Variants in POLL observed in about 807,000 individuals in gnomAD.
The protein encoded by POLL is DNA polymerase lambda, also known as DNA polymerase beta-2.
A neutral mutation model predicts 58.1 loss-of-function variants in POLL; 44 were observed. The ratio of observed to expected loss-of-function variants is 0.76; its 90% CI spans 0.60 to 0.97. The LOEUF is 0.97. POLL is among the 50% of genes least tolerant of loss of function. The probability of loss-of-function intolerance (pLI) is 0.00; values close to 1 mark genes in which losing one functional copy is unlikely to be tolerated. For synonymous variants in POLL, 290 were observed against 283.2 expected (o/e 1.02, Z -0.24); for missense variants, 632 against 736.8 (o/e 0.86, Z 1.65).
chr10:101,587,447 TGCCTATGGAGG>T (rs778230147), intron 1 of POLL, 41 bp from the exon 2 acceptor site: 1 of 1,573,472 alleles, frequency 6.4e-7, no homozygotes, highest in Non-Finnish European at 8.6e-7. Context: ...CCAACCCCTT[TGCCTATGGAGG>T]TAGGGTCTTT....
Position 101,585,371 on chromosome 10 carries a change from G to A in POLL, c.518C>T (p.Thr173Ile). The A allele has an allele frequency of 6.2e-7, 1 of 1,605,912 alleles. No homozygotes were observed. The highest frequency in any genetic ancestry group is 8.5e-7 in the Non-Finnish European group (1 of 1,176,090). The change falls in exon 4 of 9, where the codon ACC (threonine) becomes ATC (isoleucine). Residue 173 changes from threonine (T) to isoleucine (I), a missense_variant. Thr to Ile is a moderately conservative substitution (Grantham distance 89). Coordinates refer to ENST00000370162, the MANE Select transcript of POLL (RefSeq NM_001174084.2). ...CTTTTGGGGAGGAGACACAGGCCTG[G>A]TGGGAGGAGGAGGAGGAGAAAGGGC... ...QTALSPPPPP[T>I]RPVSPPQKAK...
In POLL at chr10:101,584,927, T is replaced by G; in HGVS notation, c.574-8A>C. 1 of 1,383,086 alleles carries G rather than the reference T, an allele frequency of 7.2e-7. No individual in the cohort carries two copies. Among genetic ancestry groups the G allele is most frequent in the Non-Finnish European group, 9.4e-7 (1 of 1,059,964 alleles). The allele number at this position is 1,383,086 out of a possible 1,614,324, so 85.7% of individuals were successfully genotyped here. A position where few individuals can be genotyped will look rare whatever the true frequency, so the allele number is the denominator to read the frequency against. On this transcript the variant is annotated splice_polypyrimidine_tract_variant and splice_region_variant and intron_variant, in intron 4 of 8. Transcript: ENST00000370162. ...TTCATCATCAGAGATGGGCTTGGGA[T>G]AGAGAAGAAAAGAAAACAATAAATT...
At chr10:101,585,236 T>C in intron 4 of POLL, 80 bp downstream of exon 4, 1 of 1,300,822 alleles carries the variant, frequency 7.7e-7, no homozygotes, top group Non-Finnish European at 1.0e-6. Context: ...TGGGACTTTC[T>C]GAACAGCCAC....
rs2062877955 is a variant in POLL at position 101,579,788 on chromosome 10, C to CT, written c.1392dup (p.Glu465ArgfsTer33). 3 of 1,613,452 alleles carry CT rather than the reference C, an allele frequency of 1.9e-6. No individual in the cohort carries two copies. The African/African-American group carries it at 4.0e-5, about 22-fold the overall frequency. On this transcript the variant is annotated frameshift_variant, in exon 9 of 9. Coordinates refer to ENST00000370162, the MANE Select transcript of POLL (RefSeq NM_001174084.2). LOFTEE classifies it high-confidence loss of function. The surrounding 1 kb of genome is among the most constrained non-coding windows in gnomAD (Gnocchi z 4.4). ...TACTTCTGTTGCTGACCATTCTCCTCTTGGCTCACCAAGTCATCTGTGAGG... is the reference window on the plus strand; with the variant it reads ...TACTTCTGTTGCTGACCATTCTCCTCTTTGGCTCACCAAGTCATCTGTGAGG...
At position 101,580,047 on chromosome 10, in the gene POLL, C is replaced by A; in HGVS notation, c.1363+201G>T. The A allele has an allele frequency of 1.5e-6, 1 of 679,380 alleles. No individual in the cohort carries two copies. The allele number at this position is 679,380 out of a possible 1,614,324, so 42.1% of individuals were successfully genotyped here. The stretch of plus-strand genomic sequence containing the variant: ...TACTTGGCCTGCAGGGTTCACTGAG[C>A]ACCTCCACATAGGTGTGGCGGGGCT... On this transcript the variant is annotated intron_variant, in intron 8 of 8. Transcript: ENST00000370162. This position sits in a 1 kb window ranked among gnomAD's most constrained non-coding sequence, Gnocchi z 4.1.
chr10:101,579,766 T>C lies in POLL; in HGVS notation c.1415A>G (p.Lys472Arg), dbSNP rs1429712164. 6.2e-7 allele frequency: 1 copy of C among 1,613,750 alleles called. No individual in the cohort carries two copies. Among genetic ancestry groups the C allele is most frequent in the Non-Finnish European group, 8.5e-7 (1 of 1,180,014 alleles). Reference sequence around the variant, plus strand: ...TGGGAGCCGGCACACCCCCAAGTACTTCTGTTGCTGACCATTCTCCTCTTG... The same window carrying C: ...TGGGAGCCGGCACACCCCCAAGTACCTCTGTTGCTGACCATTCTCCTCTTG... The part of the protein sequence containing the change: ...VSQEENGQQQ[K>R]YLGVCRLPGP... The change falls in exon 9 of 9, where the codon AAG (lysine) becomes AGG (arginine). Residue 472 changes from lysine (K) to arginine (R), a missense_variant. Lys to Arg is a conservative substitution (Grantham distance 26). Transcript: ENST00000370162. The surrounding 1 kb of genome is among the most constrained non-coding windows in gnomAD (Gnocchi z 4.4).
At position 101,588,203 on chromosome 10, in the gene POLL, C is replaced by G; in HGVS notation, c.-428G>C. On this transcript the variant is annotated 5_prime_UTR_variant, in exon 1 of 9. Coordinates refer to ENST00000370162, the MANE Select transcript of POLL (RefSeq NM_001174084.2). ...GGGGTGGGCAGGAATAGACCACTTA[C>G]CAGCAGAGCCAATGAGAGCGGACGA... 6.5e-7 allele frequency: 1 copy of G among 1,539,968 alleles called. No homozygotes were observed. The highest frequency in any genetic ancestry group is 8.7e-7 in the Non-Finnish European group (1 of 1,144,650).
intron 7 of POLL, chr10:101,581,437 GCAGA>G (rs1471360638): frequency 3.3e-5 from 5 of 152,188 alleles, no homozygotes; most frequent in African/African-American, 9.6e-5. Context: ...CTGGTGATGG[GCAGA>G]CAAAGAGGCC....
intron 6 of POLL, 59 bp downstream of exon 6, chr10:101,583,449 C>A: frequency 6.3e-7 from 1 of 1,576,110 alleles, no homozygotes; most frequent in Non-Finnish European, 8.7e-7. Flanking sequence ...CAGCACACAT[C>A]TGGGGCAGGA....
At chr10:101,584,145 A>G (rs914553709) in intron 5 of POLL, among the ~76,000 whole-genome samples, 3 of 152,118 alleles carry the variant, frequency 2.0e-5, no homozygotes, top group Non-Finnish European at 4.4e-5. Context: ...CAGAGTTCAA[A>G]CCCTGGTCTG....
In POLL at chr10:101,579,748, C is replaced by T. The variant is rs757924434; in HGVS notation, c.1433G>A (p.Arg478Gln). Reference sequence around the variant, plus strand: ...GTGCCGCCGCCCTGGCCCTGGGAGCCGGCACACCCCCAAGTACTTCTGTTG... The same window carrying T: ...GTGCCGCCGCCCTGGCCCTGGGAGCTGGCACACCCCCAAGTACTTCTGTTG... ...GQQQKYLGVC[R>Q]LPGPGRRHRR... The change falls in exon 9 of 9, where the codon CGG (arginine) becomes CAG (glutamine). Residue 478 changes from arginine to glutamine, a missense_variant. Transcript: ENST00000370162. The surrounding 1 kb of genome is among the most constrained non-coding windows in gnomAD (Gnocchi z 4.4). The T allele has an allele frequency of 1.1e-5, 18 of 1,613,732 alleles. No homozygotes were observed. Among genetic ancestry groups the T allele is most frequent in the African/African-American group, 5.3e-5 (4 of 74,920 alleles).
In POLL at chr10:101,583,602, T is replaced by C. The variant is rs1475770048; in HGVS notation, c.971A>G (p.Lys324Arg). 2.5e-6 allele frequency: 4 copies of C among 1,614,154 alleles called. No homozygotes were observed. Among genetic ancestry groups the C allele is most frequent in the Non-Finnish European group, 3.4e-6 (4 of 1,180,040 alleles). Residue 324 changes from lysine (K) to arginine (R), a missense_variant, in exon 6 of 9, where the codon AAG (lysine) becomes AGG (arginine). Physicochemically the swap from Lys to Arg is conservative, Grantham distance 26 (BLOSUM62 2). Coordinates refer to ENST00000370162, the MANE Select transcript of POLL (RefSeq NM_001174084.2). ...CACGCTCTCACTGATATGGTCCAGCTTCCGCAAATGCCCGCTCTCCAGGAT... is the reference window on the plus strand; with the variant it reads ...CACGCTCTCACTGATATGGTCCAGCCTCCGCAAATGCCCGCTCTCCAGGAT... ...IEILESGHLR[K>R]LDHISESVPV... is the part of the protein sequence containing the mutation.
intron 4 of POLL, 89 bp downstream of exon 4, chr10:101,585,226 TG>T: frequency 8.6e-7 from 1 of 1,159,216 alleles, no homozygotes; most frequent in Non-Finnish European, 1.2e-6. Context: ...CTCAGGGGCC[TG>T]GGACTTTCTG....
Position 101,580,313 on chromosome 10 carries a change from G to C in POLL, c.1298C>G (p.Thr433Ser), listed in dbSNP as rs201665669. ...ATCGDVDVLITHPDGRSHRGI... is the reference protein window; with the variant it reads ...ATCGDVDVLISHPDGRSHRGI... The stretch of plus-strand genomic sequence containing the variant: ...CCGGTGGGACCGGCCATCTGGGTGA[G>C]TGATGAGCACGTCGACATCACCACA... Residue 433 changes from threonine to serine, a missense_variant, in exon 8 of 9, where the codon ACT (threonine) becomes AGT (serine). By Grantham distance (58) the Thr-to-Ser change is moderately conservative. Transcript: ENST00000370162. The surrounding 1 kb of genome is among the most constrained non-coding windows in gnomAD (Gnocchi z 4.1). 1 of 1,613,888 alleles carries C rather than the reference G, an allele frequency of 6.2e-7. No individual in the cohort carries two copies. The highest frequency in any genetic ancestry group is 1.1e-5 in the South Asian group (1 of 91,082).
Position 101,583,604 on chromosome 10 carries a change from C to T in POLL, c.969G>A (p.Arg323=), listed in dbSNP as rs1316404392. ...IIEILESGHL[R]KLDHISESVP... is the part of the protein sequence containing the mutation. ...CGCTCTCACTGATATGGTCCAGCTT[C>T]CGCAAATGCCCGCTCTCCAGGATCT... Residue 323 remains arginine (R), a synonymous_variant, in exon 6 of 9, where the codon CGG becomes CGA. Coordinates refer to ENST00000370162, the MANE Select transcript of POLL (RefSeq NM_001174084.2). The T allele has an allele frequency of 6.2e-7, 1 of 1,614,174 alleles. No individual in the cohort carries two copies. The highest frequency in any genetic ancestry group is 1.1e-5 in the South Asian group (1 of 91,078).
rs536672963 is a variant in POLL at position 101,588,219 on chromosome 10, G to A, written c.-444C>T. The A allele has an allele frequency of 1.1e-4, 165 of 1,545,928 alleles. No homozygotes were observed. Among genetic ancestry groups the A allele is most frequent in the South Asian group, 1.6e-4 (13 of 83,526 alleles). On this transcript the variant is annotated 5_prime_UTR_variant, in exon 1 of 9. Transcript: ENST00000370162. ...GACCACTTACCAGCAGAGCCAATGA[G>A]AGCGGACGAAGGGGGGAAGGAGGGC...
At chr10:101,583,963 T>C (rs771919968) in intron 5 of POLL, among the ~76,000 whole-genome samples, 10 of 152,174 alleles carry the variant, frequency 6.6e-5, no homozygotes, top group Non-Finnish European at 1.5e-4. Flanking sequence ...ACCACCATCA[T>C]CATCATTCCA....
intron 1 of POLL, 136 bp from the exon 2 acceptor site, chr10:101,587,542 T>C (rs1318393421): frequency 2.1e-6 from 3 of 1,454,326 alleles, no homozygotes; most frequent in African/African-American, 1.4e-5. Context: ...CAAACCCGGT[T>C]AAACTTCAGT....
rs1456268477 is a variant in POLL, at chr10:101,579,423, T to G, written c.*30A>C. 6 of 1,569,728 alleles carry G rather than the reference T, an allele frequency of 3.8e-6. No homozygotes were observed. The highest frequency in any genetic ancestry group is 5.2e-6 in the Non-Finnish European group (6 of 1,161,402). Reference sequence around the variant, plus strand: ...GGCCAGGAGGGGTAGCCAGTCCAACTCGGCTCTCCTCAGCACCCCCAGCCA... The same window carrying G: ...GGCCAGGAGGGGTAGCCAGTCCAACGCGGCTCTCCTCAGCACCCCCAGCCA... On this transcript the variant is annotated 3_prime_UTR_variant, in exon 9 of 9. Coordinates refer to ENST00000370162, the MANE Select transcript of POLL (RefSeq NM_001174084.2). The surrounding 1 kb of genome is among the most constrained non-coding windows in gnomAD (Gnocchi z 4.4).
Sources: gnomAD v4.1 joint callset for allele counts (sites outside exome capture counted in the v4.1 genomes callset) on GRCh38, gnomAD v4.1.1 for gene constraint, Gnocchi (gnomAD v3.1) non-coding constraint, MANE v1.5 for transcripts, NCBI Gene and HGNC (gene_info 2026-07-23, HGNC 2026-07-21) for gene names.